The following OPHN1 variants were observed in gnomAD, a reference collection of about 807,000 sequenced individuals.
The protein encoded by OPHN1 is oligophrenin-1.
A neutral mutation model predicts 60.7 loss-of-function variants in OPHN1; 11 were observed. The ratio of observed to expected loss-of-function variants is 0.18; its 90% confidence interval spans 0.11 to 0.30. OPHN1 has a LOEUF of 0.30. OPHN1 is among the 10% of genes least tolerant of loss of function. The probability of loss-of-function intolerance (pLI) is 1.00; values close to 1 mark genes in which losing one functional copy is unlikely to be tolerated. For missense variants in OPHN1, 449 were observed against 611.0 expected (o/e 0.73, Z 2.80); for synonymous variants, 226 against 222.6 (o/e 1.02, Z -0.14).
At chrX:68,078,270 C>T (rs2076960889) in intron 19 of OPHN1, among the ~76,000 whole-genome samples, 1 of 110,923 alleles carries the variant, frequency 9.0e-6, no homozygotes, top group Non-Finnish European at 1.9e-5. Context: ...CCAGGGCAGT[C>T]CCCACAACAA....
intron 2 of OPHN1, among the ~76,000 whole-genome samples, chrX:68,307,341 C>G (rs1033854289): frequency 2.8e-5 from 3 of 108,484 alleles, no homozygotes; most frequent in Non-Finnish European, 5.7e-5. Flanking sequence ...GTAGTCCCAG[C>G]TACTCAGGAG....
rs182516908 is a variant in OPHN1, at chrX:68,311,703, G to A, written c.155-12607C>T. Among the ~76,000 whole-genome samples, 12 of 112,183 alleles carry A rather than the reference G, an allele frequency of 1.1e-4. No individual in the cohort carries two copies. In the Admixed American group the frequency reaches 1.1e-3, roughly 11 times the overall value. On this transcript the variant is annotated intron_variant, in intron 2 of 24. Coordinates refer to ENST00000355520, the MANE Select transcript of OPHN1 (RefSeq NM_002547.3). Reference sequence around the variant, plus strand: ...CCACCTCGGCCTCCCAAAGTGTTGGGATTACAGGCGTGAGCCACCGTGCCT... The same window carrying A: ...CCACCTCGGCCTCCCAAAGTGTTGGAATTACAGGCGTGAGCCACCGTGCCT...
chrX:68,313,367 C>T (rs1053191313), intron 2 of OPHN1, among the ~76,000 whole-genome samples: 4 of 111,827 alleles, frequency 3.6e-5, no homozygotes, highest in African/African-American at 1.3e-4. Flanking sequence ...GATATCTACA[C>T]TCCCATGTTT....
rs2077560261 is a variant in OPHN1, at chrX:68,206,555, G to C, written c.933+18C>G. The stretch of plus-strand genomic sequence containing the variant: ...TCATAGATCCATTTCCAAAAATATG[G>C]TGCAAACAAGAACTGACCTGCTTAG... On this transcript the variant is annotated intron_variant, in intron 10 of 24. Coordinates refer to ENST00000355520, the MANE Select transcript of OPHN1 (RefSeq NM_002547.3). 1 of 1,152,805 alleles carries C rather than the reference G, an allele frequency of 8.7e-7. No individual in the cohort carries two copies. The highest frequency in any genetic ancestry group is 1.8e-5 in the African/African-American group (1 of 56,032).
intron 12 of OPHN1, 73 bp downstream of exon 12, chrX:68,197,113 C>G: frequency 1.4e-6 from 1 of 718,515 alleles, no homozygotes; most frequent in East Asian, 3.2e-5. Context: ...TGTCTGAGAC[C>G]CACTGATACC....
rs189433150 is a variant in OPHN1 at position 68,187,844 on chromosome X, G to A, written c.1276+5075C>T. Among the ~76,000 whole-genome samples, 718 of 111,740 alleles carry A rather than the reference G, an allele frequency of 6.4e-3. 7 individuals are homozygous for A. The highest frequency in any genetic ancestry group is 0.022 in the African/African-American group (673 of 30,799). The stretch of plus-strand genomic sequence containing the variant: ...GGGTTTCACCATGTTAGCCAGGATG[G>A]TCTCGATCTCCTGACCTCGTGATCC... On this transcript the variant is annotated intron_variant, in intron 15 of 24. Coordinates refer to ENST00000355520, the MANE Select transcript of OPHN1 (RefSeq NM_002547.3).
chrX:68,285,193 TTATTA>T (rs1290252040), intron 3 of OPHN1, among the ~76,000 whole-genome samples: 1 of 111,770 alleles, frequency 8.9e-6, no homozygotes, highest in Non-Finnish European at 1.9e-5. Flanking sequence ...GGCTGCCTTA[TTATTA>T]TATTCTTTTT....
intron 15 of OPHN1, among the ~76,000 whole-genome samples, chrX:68,120,705 A>G (rs2077147005): frequency 8.9e-6 from 1 of 112,338 alleles, no homozygotes; most frequent in African/African-American, 3.2e-5. Context: ...AAAGGAAAAA[A>G]CATGAAGGTA....
At chrX:68,324,779 C>T (rs946074072) in intron 2 of OPHN1, among the ~76,000 whole-genome samples, 6 of 109,685 alleles carry the variant, frequency 5.5e-5, no homozygotes, top group South Asian at 3.9e-4. Flanking sequence ...CAGTGGCTCA[C>T]GCCTGTAATC....
chrX:68,335,605 A>G (rs752888129), intron 2 of OPHN1, among the ~76,000 whole-genome samples: 9 of 111,913 alleles, frequency 8.0e-5, no homozygotes, highest in Non-Finnish European at 1.5e-4. Context: ...CTTGGAAATC[A>G]TCTAACCCTG....
chrX:68,321,745 T>C (rs899180516), intron 2 of OPHN1, among the ~76,000 whole-genome samples: 1 of 110,690 alleles, frequency 9.0e-6, no homozygotes, highest in African/African-American at 3.3e-5. Flanking sequence ...CTGGCCAACA[T>C]GGTGAAACCC....
chrX:68,049,835 T>C (rs979962195), intron 23 of OPHN1, among the ~76,000 whole-genome samples: 2 of 112,173 alleles, frequency 1.8e-5, no homozygotes, highest in Admixed American at 9.5e-5. Context: ...GGAACACTAA[T>C]AACTTCTGAA....
At chrX:68,111,771 C>T in intron 18 of OPHN1, 83 bp downstream of exon 18, 1 of 654,679 alleles carries the variant, frequency 1.5e-6, no homozygotes. Context: ...GCTGAAAGAG[C>T]TGAGAGGCAG....
At chrX:68,411,515 A>T (rs755130246) in intron 2 of OPHN1, among the ~76,000 whole-genome samples, 3 of 112,249 alleles carry the variant, frequency 2.7e-5, no homozygotes, top group Non-Finnish European at 5.6e-5. Context: ...TTTCTCTAAT[A>T]ATCAGCGATG....
chrX:68,062,114 T>A (rs5918807), intron 21 of OPHN1, among the ~76,000 whole-genome samples: 1 of 110,744 alleles, frequency 9.0e-6, no homozygotes, highest in African/African-American at 3.3e-5. Flanking sequence ...AGTGTTTAAG[T>A]ATTCATGGCA....
At chrX:68,077,410 AT>A (rs2076957586) in intron 19 of OPHN1, among the ~76,000 whole-genome samples, 1 of 112,075 alleles carries the variant, frequency 8.9e-6, no homozygotes, top group South Asian at 3.7e-4. Context: ...CATAAAAAAA[AT>A]AAAACTACAT....
At chrX:68,223,971 G>A (rs2147506648) in intron 6 of OPHN1, among the ~76,000 whole-genome samples, 1 of 111,328 alleles carries the variant, frequency 9.0e-6, no homozygotes, top group East Asian at 2.8e-4. Flanking sequence ...AAAATTGAGA[G>A]AATTACAAGG....
intron 6 of OPHN1, among the ~76,000 whole-genome samples, chrX:68,217,294 G>A (rs985680828): frequency 7.1e-5 from 8 of 111,954 alleles, no homozygotes; most frequent in Non-Finnish European, 1.3e-4. Context: ...ACGCAGTCTC[G>A]CTGATTGCTA....
chrX:68,201,404 A>G, intron 11 of OPHN1, among the ~76,000 whole-genome samples: 1 of 112,205 alleles, frequency 8.9e-6, no homozygotes, highest in African/African-American at 3.2e-5. Context: ...CAAAGCTGAT[A>G]GAAGCTTGCA....
Sources: gnomAD v4.1 joint callset for allele counts (sites outside exome capture counted in the v4.1 genomes callset) on GRCh38, gnomAD v4.1.1 for gene constraint, MANE v1.5 for transcripts, NCBI Gene and HGNC (gene_info 2026-07-23, HGNC 2026-07-21) for gene names.